Variants in AGBL4 observed in about 807,000 individuals in gnomAD.
The protein encoded by AGBL4 is AGBL carboxypeptidase 4.
A neutral mutation model predicts 66.4 loss-of-function variants in AGBL4; 58 were observed. That is an observed-to-expected ratio of 0.87 (90% CI 0.71 to 1.09). AGBL4 has a LOEUF of 1.09. Ranked by LOEUF, AGBL4 falls within the 50% of genes least tolerant of loss-of-function variation. The pLI, the probability that AGBL4 is intolerant of heterozygous loss-of-function variation, is 0.00. For synonymous variants in AGBL4, 234 were observed against 222.9 expected (o/e 1.05, Z -0.44); for missense variants, 579 against 631.0 (o/e 0.92, Z 0.88).
At chr1:49,103,268 C>G (rs1645235060) in intron 4 of AGBL4, among the ~76,000 whole-genome samples, 1 of 152,100 alleles carries the variant, frequency 6.6e-6, no homozygotes, top group Non-Finnish European at 1.5e-5. Flanking sequence ...TGAGACAGGT[C>G]CCTTAACCCA....
intron 3 of AGBL4, among the ~76,000 whole-genome samples, chr1:49,338,510 T>C (rs1645479826): frequency 6.6e-6 from 1 of 152,184 alleles, no homozygotes; most frequent in Non-Finnish European, 1.5e-5. Flanking sequence ...GTTTTATTCA[T>C]CTCTACATAT....
chr1:49,246,215 T>C (rs558145072), intron 3 of AGBL4, among the ~76,000 whole-genome samples: 1 of 152,080 alleles, frequency 6.6e-6, no homozygotes, highest in South Asian at 2.1e-4. Flanking sequence ...TAAATTAATA[T>C]ATGTACAGTA....
At chr1:49,906,706 T>TTG (rs1557566818) in intron 1 of AGBL4, among the ~76,000 whole-genome samples, 3 of 151,356 alleles carry the variant, frequency 2.0e-5, no homozygotes, top group African/African-American at 7.3e-5. Flanking sequence ...GTGTATGTGT[T>TTG]TGTGTGTGTG....
intron 4 of AGBL4, among the ~76,000 whole-genome samples, chr1:49,192,966 C>T (rs996015965): frequency 2.0e-5 from 3 of 152,140 alleles, no homozygotes; most frequent in Non-Finnish European, 4.4e-5. Context: ...TGTATGCTTC[C>T]AGAAATTCAT....
At chr1:49,821,430 T>C (rs1371948966) in intron 2 of AGBL4, among the ~76,000 whole-genome samples, 2 of 152,152 alleles carry the variant, frequency 1.3e-5, no homozygotes, top group South Asian at 2.1e-4. Flanking sequence ...GCTATGAAAA[T>C]GCAAAGTCAC....
chr1:48,574,278 G>C (rs1284010218), intron 11 of AGBL4, among the ~76,000 whole-genome samples: 1 of 152,166 alleles, frequency 6.6e-6, no homozygotes, highest in African/African-American at 2.4e-5. Flanking sequence ...TCTAGAGGCT[G>C]AGACTGGTCC....
intron 3 of AGBL4, among the ~76,000 whole-genome samples, chr1:49,617,832 G>T (rs1381624105): frequency 6.6e-6 from 1 of 152,154 alleles, no homozygotes; most frequent in African/African-American, 2.4e-5. Context: ...GACAGACCAA[G>T]GTTTCGGTTT....
At chr1:48,771,573 C>T (rs1644835571) in intron 6 of AGBL4, among the ~76,000 whole-genome samples, 1 of 152,220 alleles carries the variant, frequency 6.6e-6, no homozygotes, top group South Asian at 2.1e-4. Context: ...CAGGCAATTT[C>T]CAATCTTTGC....
At chr1:49,899,078 T>A (rs181409674) in intron 1 of AGBL4, among the ~76,000 whole-genome samples, 55 of 152,244 alleles carry the variant, frequency 3.6e-4, no homozygotes, top group South Asian at 6.2e-4. Flanking sequence ...ACAGAGGGAC[T>A]ATAGTCAATA....
chr1:48,996,955 C>T (rs962180182), intron 5 of AGBL4, among the ~76,000 whole-genome samples: 1 of 152,104 alleles, frequency 6.6e-6, no homozygotes, highest in African/African-American at 2.4e-5. Context: ...TGGAGTCTTG[C>T]TCTGTCACAC....
intron 6 of AGBL4, among the ~76,000 whole-genome samples, chr1:48,845,581 A>G (rs1646891237): frequency 6.6e-6 from 1 of 152,206 alleles, no homozygotes; most frequent in Admixed American, 6.5e-5. Context: ...AAGCCTAAAT[A>G]TGGAGTTCTC....
intron 3 of AGBL4, among the ~76,000 whole-genome samples, chr1:49,289,432 T>C (rs895029359): frequency 1.3e-5 from 2 of 152,150 alleles, no homozygotes; most frequent in Non-Finnish European, 2.9e-5. Context: ...TGATTCTATT[T>C]ATAAAAAGCG....
intron 3 of AGBL4, among the ~76,000 whole-genome samples, chr1:49,604,005 A>G (rs1645018472): frequency 6.6e-6 from 1 of 151,458 alleles, no homozygotes; most frequent in Non-Finnish European, 1.5e-5. Context: ...GATTCCATAT[A>G]TTTGCAACGG....
chr1:49,930,284 A>T (rs1038686214), intron 1 of AGBL4, among the ~76,000 whole-genome samples: 7 of 152,106 alleles, frequency 4.6e-5, no homozygotes, highest in African/African-American at 1.7e-4. Context: ...ATAATGTGAA[A>T]AGCTTCATAT....
chr1:49,235,734 C>A (rs1004659299), intron 4 of AGBL4, among the ~76,000 whole-genome samples: 1 of 152,182 alleles, frequency 6.6e-6, no homozygotes, highest in Non-Finnish European at 1.5e-5. Context: ...TGGCCTACAT[C>A]TTCCCTGGGT....
intron 3 of AGBL4, among the ~76,000 whole-genome samples, chr1:49,474,222 A>G (rs1194215650): frequency 6.6e-6 from 1 of 152,092 alleles, no homozygotes; most frequent in Non-Finnish European, 1.5e-5. Context: ...TTTGGGCAGT[A>G]TGAACATTTT....
intron 11 of AGBL4, among the ~76,000 whole-genome samples, chr1:48,555,021 C>T (rs1041263178): frequency 6.6e-6 from 1 of 152,102 alleles, no homozygotes. Context: ...TGTTCTTGAG[C>T]AGCCTTTAGA....
At position 49,745,098 on chromosome 1, in the gene AGBL4, C is replaced by T. The variant is rs186581519; in HGVS notation, c.158-47661G>A. Among the ~76,000 whole-genome samples the T allele has an allele frequency of 2.9e-3, 436 of 152,072 alleles. 1 individual carries two copies. The highest frequency in any genetic ancestry group is 4.7e-3 in the Non-Finnish European group (321 of 67,950). ...TTAAATGTAAATGGATTAAGCACTC[C>T]AATTAAAAGGCATAAATGGAAAAAT... On this transcript the variant is annotated intron_variant, in intron 2 of 13. Transcript: ENST00000371839.
chr1:49,275,644 A>G (rs1162117812), intron 3 of AGBL4, among the ~76,000 whole-genome samples: 5 of 152,164 alleles, frequency 3.3e-5, no homozygotes, highest in Admixed American at 6.6e-5. Flanking sequence ...GAAAAAACCT[A>G]TAGTATACCT....
Sources: gnomAD v4.1 joint callset for allele counts (sites outside exome capture counted in the v4.1 genomes callset) on GRCh38, gnomAD v4.1.1 for gene constraint, MANE v1.5 for transcripts, NCBI Gene and HGNC (gene_info 2026-07-23, HGNC 2026-07-21) for gene names.